SYTL3: variants seen among roughly 807,000 people sequenced by gnomAD.
The protein encoded by SYTL3 is synaptotagmin-like protein 3.
A neutral mutation model predicts 82.1 loss-of-function variants in SYTL3; 88 were observed. The ratio of observed to expected loss-of-function variants is 1.07; its 90% confidence interval spans 0.90 to 1.28. SYTL3 has a LOEUF of 1.28. Among genes scored for constraint, SYTL3 ranks in the 50% most tolerant of loss-of-function variants. The pLI is 0.00. For missense variants in SYTL3, 831 were observed against 757.6 expected (o/e 1.10, Z -1.14); for synonymous variants, 311 against 289.4 (o/e 1.07, Z -0.76).
chr6:158,682,586 C>T (rs553341911), intron 5 of SYTL3, among the ~76,000 whole-genome samples: 9 of 151,714 alleles, frequency 5.9e-5, no homozygotes, highest in African/African-American at 1.9e-4. Context: ...GTCTTGATCT[C>T]CTGACCTCGT....
chr6:158,740,765 T>TG (rs1013805942), intron 11 of SYTL3, among the ~76,000 whole-genome samples: 2 of 152,240 alleles, frequency 1.3e-5, no homozygotes, highest in African/African-American at 4.8e-5. Flanking sequence ...AAAGTCCTTG[T>TG]GGTTGGACCG....
chr6:158,763,279 T>C, intron 16 of SYTL3, 25 bp from the exon 17 acceptor site: 1 of 1,611,738 alleles, frequency 6.2e-7, no homozygotes, highest in Non-Finnish European at 8.5e-7. Flanking sequence ...TGGCAATGAT[T>C]GCAGGGTTTG....
At chr6:158,725,378 C>T in intron 10 of SYTL3, 125 bp from the exon 11 acceptor site, 1 of 1,009,444 alleles carries the variant, frequency 9.9e-7, no homozygotes, top group Non-Finnish European at 1.5e-6. Flanking sequence ...GCAGGTGTGT[C>T]CTCCTACTCA....
intron 5 of SYTL3, among the ~76,000 whole-genome samples, chr6:158,672,557 T>TTTC (rs536277421): frequency 0.12 from 10,149 of 85,390 alleles, 654 homozygotes; most frequent in East Asian, 0.37. Context: ...TTTTTGTTTC[T>TTTC]TTTTTTTTTT....
At chr6:158,739,651 A>C (rs1786670384) in intron 11 of SYTL3, among the ~76,000 whole-genome samples, 1 of 151,898 alleles carries the variant, frequency 6.6e-6, no homozygotes, top group Non-Finnish European at 1.5e-5. Flanking sequence ...GCTGGAATGC[A>C]GTGGCACAGC....
chr6:158,748,515 A>G (rs990460795), intron 12 of SYTL3, among the ~76,000 whole-genome samples: 2 of 152,196 alleles, frequency 1.3e-5, no homozygotes, highest in African/African-American at 4.8e-5. Flanking sequence ...TAAAAGAAAA[A>G]GACTTAAAAT....
chr6:158,709,854 T>C (rs1439509326), intron 8 of SYTL3, among the ~76,000 whole-genome samples: 2 of 151,946 alleles, frequency 1.3e-5, no homozygotes, highest in African/African-American at 4.8e-5. Flanking sequence ...CTGGGCAACA[T>C]AGCAAGACCC....
intron 5 of SYTL3, among the ~76,000 whole-genome samples, chr6:158,670,760 C>T (rs1007977567): frequency 2.6e-5 from 4 of 151,328 alleles, no homozygotes; most frequent in East Asian, 3.9e-4. Flanking sequence ...CCAAGCTAGG[C>T]GACAGACTCA....
In SYTL3 at chr6:158,763,498, G is replaced by A. The variant is rs1790290203; in HGVS notation, c.1712G>A (p.Arg571Lys). ...GMNDRLLGGTRLGSKGDTAVG... is the reference protein window; with the variant it reads ...GMNDRLLGGTKLGSKGDTAVG... ...AACGACCGCTTGCTTGGAGGAACCA[G>A]ACTTGGTTCAAGTAAGTCTGAGACA... The change falls in exon 17 of 18, where the codon AGA becomes AAA. Residue 571 changes from arginine to lysine, a missense_variant. Transcript: ENST00000611299. 1.2e-6 allele frequency: 2 copies of A among 1,613,908 alleles called. No individual in the cohort carries two copies. The highest frequency in any genetic ancestry group is 1.3e-5 in the African/African-American group (1 of 74,918).
intron 8 of SYTL3, among the ~76,000 whole-genome samples, chr6:158,708,674 T>C (rs1293661164): frequency 6.6e-6 from 1 of 152,152 alleles, no homozygotes; most frequent in Non-Finnish European, 1.5e-5. Context: ...CTTCCCCAAC[T>C]CTGCTCTGTG....
chr6:158,758,260 GA>G (rs1449406690), intron 14 of SYTL3, among the ~76,000 whole-genome samples: 1 of 152,120 alleles, frequency 6.6e-6, no homozygotes, highest in Non-Finnish European at 1.5e-5. Flanking sequence ...CTAACACAGT[GA>G]AACCCCGTCT....
At chr6:158,750,564 G>C (rs1238329319) in intron 12 of SYTL3, among the ~76,000 whole-genome samples, 1 of 152,130 alleles carries the variant, frequency 6.6e-6, no homozygotes, top group Non-Finnish European at 1.5e-5. Flanking sequence ...TGCCGTCTAG[G>C]CTGGAATGCA....
At chr6:158,758,777 C>T (rs558703421) in intron 14 of SYTL3, among the ~76,000 whole-genome samples, 12 of 152,284 alleles carry the variant, frequency 7.9e-5, no homozygotes, top group South Asian at 2.1e-4. Flanking sequence ...CAGCCCAAGA[C>T]GACCCAAAAC....
In SYTL3 at chr6:158,687,159, G is replaced by A. The variant is rs374244501; in HGVS notation, c.394+4170G>A. On this transcript the variant is annotated intron_variant, in intron 6 of 17. Coordinates refer to ENST00000611299, the MANE Select transcript of SYTL3 (RefSeq NM_001242394.2). ...ATAGCAAATTCCCCTCAAACCTAGT[G>A]ACATAAATCAAGTAACATTCTTTGA... 7.9e-5 allele frequency among the ~76,000 whole-genome samples: 12 copies of A among 152,296 alleles called. No homozygotes were observed. The South Asian group carries it at 2.5e-3, about 32-fold the overall frequency.
rs567729776 is a variant in SYTL3 at position 158,761,961 on chromosome 6, G to C, written c.1415-115G>C. 4.3e-6 allele frequency: 3 copies of C among 700,690 alleles called. No homozygotes were observed. The East Asian group carries it at 7.9e-5, about 18-fold the overall frequency. 43.4% of individuals were successfully genotyped at this position (700,690 alleles called of 1,614,324 possible). A position where few individuals can be genotyped will look rare whatever the true frequency, so the allele number is the denominator to read the frequency against. ...TGCACCACTCCCATCTGCTCTCTCG[G>C]GGTCTGAGGGCTGTAGCAGATTCTC... On this transcript the variant is annotated intron_variant, in intron 15 of 17. Transcript: ENST00000611299.
At chr6:158,739,138 A>C (rs1786592185) in intron 11 of SYTL3, among the ~76,000 whole-genome samples, 1 of 152,240 alleles carries the variant, frequency 6.6e-6, no homozygotes, top group South Asian at 2.1e-4. Flanking sequence ...TTAAAAATCC[A>C]GTCATTGACT....
chr6:158,700,830 A>G, intron 6 of SYTL3, among the ~76,000 whole-genome samples: 1 of 152,046 alleles, frequency 6.6e-6, no homozygotes, highest in East Asian at 1.9e-4. Context: ...GTTAGCCAGG[A>G]TGGTCTCGAT....
intron 11 of SYTL3, among the ~76,000 whole-genome samples, chr6:158,728,289 G>A (rs1358938865): frequency 2.0e-5 from 3 of 151,874 alleles, no homozygotes; most frequent in Non-Finnish European, 4.4e-5. Context: ...GTAGAGATTG[G>A]GGCTCATTTT....
intron 8 of SYTL3, among the ~76,000 whole-genome samples, chr6:158,712,838 A>G (rs1283299678): frequency 6.7e-6 from 1 of 149,668 alleles, no homozygotes; most frequent in African/African-American, 2.5e-5. Flanking sequence ...GACTCATTGC[A>G]AGCTCCGCCT....
Sources: allele counts gnomAD v4.1 joint callset (sites outside exome capture counted in the v4.1 genomes callset), GRCh38; gene constraint gnomAD v4.1.1; transcripts MANE v1.5; gene names NCBI Gene and HGNC (gene_info 2026-07-23, HGNC 2026-07-21).